Variants in CDK6 observed in about 807,000 individuals in gnomAD.
CDK6 encodes cyclin-dependent kinase 6.
In CDK6, 6 loss-of-function variants were observed where a neutral mutation model predicts 37.1. That is an observed-to-expected ratio of 0.16 (90% confidence interval 0.09 to 0.32). CDK6 has a LOEUF of 0.32. Among genes scored for constraint, CDK6 ranks in the 10% least tolerant of loss-of-function variants. CDK6 has a pLI of 1.00. For synonymous variants in CDK6, 160 were observed against 161.3 expected, an observed-to-expected ratio of 0.99 and a Z score of 0.06; for missense variants, 224 against 418.9, an observed-to-expected ratio of 0.53 and a Z score of 4.06.
chr7:92,780,739 T>C (rs1196896671), intron 2 of CDK6, among the ~76,000 whole-genome samples: 1 of 132,074 alleles, frequency 7.6e-6, no homozygotes, highest in Non-Finnish European at 1.5e-5. Flanking sequence ...CCATCCAGCC[T>C]GGGCAATGAG....
chr7:92,650,651 G>A (rs1485895152), intron 5 of CDK6, among the ~76,000 whole-genome samples: 3 of 152,086 alleles, frequency 2.0e-5, no homozygotes, highest in Non-Finnish European at 1.5e-5. Context: ...GAAGTTCTGG[G>A]GCTAAATCTG....
rs1018106321 is a variant in CDK6 at position 92,834,069 on chromosome 7, G to A, written c.-367-379C>T. ...TTAATATTTATCCCTATATCATTGT[G>A]TTGCGCCGCTACCCTCCCCGCCTCC... On this transcript the variant is annotated intron_variant, in intron 1 of 7. Transcript: ENST00000424848. This position sits in a 1 kb window ranked among gnomAD's most constrained non-coding sequence, Gnocchi z 4.6. Among the ~76,000 whole-genome samples the A allele has an allele frequency of 6.6e-6, 1 of 151,648 alleles. No homozygotes were observed. Among genetic ancestry groups the A allele is most frequent in the African/African-American group, 2.4e-5 (1 of 41,244 alleles).
At chr7:92,660,262 A>G (rs1018300646) in intron 5 of CDK6, among the ~76,000 whole-genome samples, 2 of 152,204 alleles carry the variant, frequency 1.3e-5, no homozygotes, top group African/African-American at 4.8e-5. Flanking sequence ...TACAGACACA[A>G]TGCTATGGGG....
At chr7:92,712,782 G>A (rs1328983693) in intron 4 of CDK6, among the ~76,000 whole-genome samples, 2 of 152,110 alleles carry the variant, frequency 1.3e-5, no homozygotes, top group African/African-American at 4.8e-5. Flanking sequence ...CATGACAGTG[G>A]ACAGTTTGGG....
At chr7:92,738,284 C>T (rs1213997190) in intron 3 of CDK6, among the ~76,000 whole-genome samples, 1 of 152,074 alleles carries the variant, frequency 6.6e-6, no homozygotes, top group East Asian at 1.9e-4. Context: ...CAAGGCAAAA[C>T]TGAGAACTGG....
intron 4 of CDK6, among the ~76,000 whole-genome samples, chr7:92,717,293 G>C (rs992509485): frequency 7.9e-5 from 12 of 151,776 alleles, no homozygotes; most frequent in Admixed American, 3.3e-4. Flanking sequence ...ACTAAGCTAT[G>C]ACTGTGCCAT....
intron 5 of CDK6, among the ~76,000 whole-genome samples, chr7:92,634,843 T>C (rs1424475942): frequency 6.6e-6 from 1 of 152,168 alleles, no homozygotes; most frequent in Non-Finnish European, 1.5e-5. Flanking sequence ...TGATCTTTTA[T>C]CTTTGGACAT....
intron 4 of CDK6, among the ~76,000 whole-genome samples, chr7:92,717,299 G>A (rs775438876): frequency 2.6e-5 from 4 of 151,666 alleles, no homozygotes; most frequent in Non-Finnish European, 5.9e-5. Context: ...CTATGACTGT[G>A]CCATTGCACT....
intron 2 of CDK6, among the ~76,000 whole-genome samples, chr7:92,788,488 T>A (rs1043570834): frequency 6.6e-6 from 1 of 152,226 alleles, no homozygotes; most frequent in Non-Finnish European, 1.5e-5. Flanking sequence ...CTTGGTAACA[T>A]GCATTGAACA....
At chr7:92,625,098 C>T (rs1795894348) in intron 5 of CDK6, among the ~76,000 whole-genome samples, 1 of 151,806 alleles carries the variant, frequency 6.6e-6, no homozygotes, top group African/African-American at 2.4e-5. Context: ...GACTTAGTTG[C>T]TTCATTTGTA....
intron 2 of CDK6, among the ~76,000 whole-genome samples, chr7:92,805,757 A>T (rs1158729459): frequency 6.6e-6 from 1 of 152,202 alleles, no homozygotes; most frequent in Non-Finnish European, 1.5e-5. Context: ...AATGATTCTC[A>T]TGAACCTTGT....
chr7:92,625,064 T>A (rs1341422933), intron 5 of CDK6, among the ~76,000 whole-genome samples: 1 of 152,030 alleles, frequency 6.6e-6, no homozygotes, highest in Non-Finnish European at 1.5e-5. Context: ...CTATATGATC[T>A]TAGGAAAGTC....
intron 2 of CDK6, among the ~76,000 whole-genome samples, chr7:92,815,483 A>G (rs1801004827): frequency 6.6e-6 from 1 of 152,216 alleles, no homozygotes; most frequent in Non-Finnish European, 1.5e-5. Context: ...TAGAAACTAG[A>G]TAAACATATG....
rs71699291 is a variant in CDK6 at position 92,625,219 on chromosome 7, AACACACACACAC to A, written c.648-2145_648-2134del. 4.6e-3 allele frequency among the ~76,000 whole-genome samples: 649 copies of A among 141,988 alleles called. 2 individuals are homozygous for A. Among genetic ancestry groups the A allele is most frequent in the Middle Eastern group, 0.021 (6 of 288 alleles). 93.1% of individuals were successfully genotyped at this position (141,988 alleles called of 152,430 possible). A position where few individuals can be genotyped will look rare whatever the true frequency, so the allele number is the denominator to read the frequency against. On this transcript the variant is annotated intron_variant, in intron 5 of 7. Transcript: ENST00000424848. ...CAGAGTTACAATTAAGTGGTAACTA[AACACACACACAC>A]ACACACACACACACACACACACACA...
intron 2 of CDK6, among the ~76,000 whole-genome samples, chr7:92,819,404 C>T (rs561340014): frequency 6.6e-6 from 1 of 152,106 alleles, no homozygotes; most frequent in African/African-American, 2.4e-5. Context: ...AGATTCACTG[C>T]AAAGGGCCCT....
rs1422234675 is a variant in CDK6 at position 92,784,931 on chromosome 7, T to A, written c.234-10100A>T. ...CGTGGCATTCTGAGTAAGCCAGATT[T>A]TGTAACTGCTGTTAAACGAAGACTC... On this transcript the variant is annotated intron_variant, in intron 2 of 7. Coordinates refer to ENST00000424848, the MANE Select transcript of CDK6 (RefSeq NM_001145306.2). Among the ~76,000 whole-genome samples, 3 of 152,226 alleles carry A rather than the reference T, an allele frequency of 2.0e-5. No individual in the cohort carries two copies. The East Asian group carries it at 5.8e-4, about 29-fold the overall frequency.
intron 5 of CDK6, among the ~76,000 whole-genome samples, chr7:92,626,773 G>A (rs1562915293): frequency 6.6e-6 from 1 of 152,136 alleles, no homozygotes; most frequent in African/African-American, 2.4e-5. Flanking sequence ...GGAGAAGCAT[G>A]ATTTTAAGTT....
Position 92,614,694 on chromosome 7 carries a change from CAT to C in CDK6, c.*444_*445del, listed in dbSNP as rs1300859031. 7.5e-5 allele frequency: 14 copies of C among 186,408 alleles called. No homozygotes were observed. Among genetic ancestry groups the C allele is most frequent in the East Asian group, 2.9e-4 (4 of 13,776 alleles). The allele number at this position is 186,408 out of a possible 1,614,324, so 11.5% of individuals were successfully genotyped here. On this transcript the variant is annotated 3_prime_UTR_variant, in exon 8 of 8. Coordinates refer to ENST00000424848, the MANE Select transcript of CDK6 (RefSeq NM_001145306.2). The stretch of plus-strand genomic sequence containing the variant: ...CTTTAAAAGATCACAGAATCTCTCA[CAT>C]ACACACACACACACACACACACACA...
chr7:92,774,596 A>G (rs1187838417), intron 3 of CDK6, 100 bp downstream of exon 3: 2 of 1,068,366 alleles, frequency 1.9e-6, no homozygotes, highest in African/African-American at 1.6e-5. Context: ...CCGAATTCTA[A>G]AAGTTGTAAT....
Sources: gnomAD v4.1 joint callset for allele counts (sites outside exome capture counted in the v4.1 genomes callset) on GRCh38, gnomAD v4.1.1 for gene constraint, Gnocchi (gnomAD v3.1) non-coding constraint, MANE v1.5 for transcripts, NCBI Gene and HGNC (gene_info 2026-07-23, HGNC 2026-07-21) for gene names.